GATA6: variants seen among roughly 807,000 people sequenced by gnomAD.
The protein encoded by GATA6 is GATA binding protein 6, also known as transcription factor GATA-6.
Under a neutral mutation model 48.1 loss-of-function variants are expected in GATA6, and 11 were observed. The ratio of observed to expected loss-of-function variants is 0.23; its 90% confidence interval spans 0.14 to 0.38. The LOEUF is 0.38. Among genes scored for constraint, GATA6 ranks in the 10% least tolerant of loss-of-function variants. GATA6 has a pLI of 1.00. For missense variants in GATA6, 795 were observed against 850.3 expected (o/e 0.93, Z 0.81); for synonymous variants, 419 against 396.1 (o/e 1.06, Z -0.69).
intron 2 of GATA6, among the ~76,000 whole-genome samples, chr18:22,173,560 C>A (rs561977835): frequency 1.3e-5 from 2 of 152,328 alleles, no homozygotes; most frequent in Admixed American, 1.3e-4. Flanking sequence ...AAAAGACACG[C>A]TGGAAATGCA....
In GATA6 at chr18:22,171,246, G is replaced by A. The variant is rs777486467; in HGVS notation, c.102G>A (p.Thr34=). 1.3e-6 allele frequency: 2 copies of A among 1,598,664 alleles called. No homozygotes were observed. The highest frequency in any genetic ancestry group is 1.3e-5 in the African/African-American group (1 of 74,982). The change falls in exon 2 of 7, where the codon ACG becomes ACA. Residue 34 remains threonine, a synonymous_variant. Coordinates refer to ENST00000269216, the MANE Select transcript of GATA6 (RefSeq NM_005257.6). This position sits in a 1 kb window ranked among gnomAD's most constrained non-coding sequence, Gnocchi z 7.1. ...SRAFPAREPS[T]PPSPISSSSS... Reference sequence around the variant, plus strand: ...CCTTTCCAGCGCGGGAGCCCTCCACGCCGCCTTCCCCCATCTCTTCCTCGT... The same window carrying A: ...CCTTTCCAGCGCGGGAGCCCTCCACACCGCCTTCCCCCATCTCTTCCTCGT...
rs1414225808 is a variant in GATA6, at chr18:22,200,691, C to G, written c.1656C>G (p.Ser552Arg). 1 of 1,614,126 alleles carries G rather than the reference C, an allele frequency of 6.2e-7. No individual in the cohort carries two copies. The highest frequency in any genetic ancestry group is 8.5e-7 in the Non-Finnish European group (1 of 1,180,058). Residue 552 changes from serine to arginine, a missense_variant, in exon 7 of 7, where the codon AGC becomes AGG. Transcript: ENST00000269216. ...CGGTGATGACTGGTGCGGGAGAGAG[C>G]ACCAATCCCGAGAACAGCGAGCTCA... ...GAPVMTGAGE[S>R]TNPENSELKY...
Position 22,171,337 on chromosome 18 carries a change from C to A in GATA6, c.193C>A (p.Leu65Ile), listed in dbSNP as rs2143274330. 6.9e-6 allele frequency: 11 copies of A among 1,588,058 alleles called. No individual in the cohort carries two copies. The highest frequency in any genetic ancestry group is 9.4e-6 in the Non-Finnish European group (11 of 1,174,344). ...CGCCAGCAACTGCGGGACGCCTCAG[C>A]TCGACACGGAGGCGGCGGCCGGACC... ...GGASNCGTPQLDTEAAAGPPA... is the reference protein window; with the variant it reads ...GGASNCGTPQIDTEAAAGPPA... The change falls in exon 2 of 7, where the codon CTC becomes ATC. Residue 65 changes from leucine to isoleucine, a missense_variant. Physicochemically the swap from Leu to Ile is conservative, Grantham distance 5. This residue lies in a region of GATA6 where 591 missense variants were observed against 570.0 expected (regional missense o/e 1.04). Coordinates refer to ENST00000269216, the MANE Select transcript of GATA6 (RefSeq NM_005257.6). This position sits in a 1 kb window ranked among gnomAD's most constrained non-coding sequence, Gnocchi z 7.1.
chr18:22,197,277 C>G (rs753304296), intron 6 of GATA6, among the ~76,000 whole-genome samples: 1 of 152,084 alleles, frequency 6.6e-6, no homozygotes, highest in Non-Finnish European at 1.5e-5. Flanking sequence ...TCTCAAACTC[C>G]TGACCTAAGG....
rs1231226189 is a variant in GATA6, at chr18:22,185,705, T to C, written c.1620+2662T>C. On this transcript the variant is annotated intron_variant, in intron 6 of 6. Coordinates refer to ENST00000269216, the MANE Select transcript of GATA6 (RefSeq NM_005257.6). The surrounding 1 kb of genome is among the most constrained non-coding windows in gnomAD (Gnocchi z 4.3). ...CAGCTACTCGTCTGCTGGCTGCCTTTGGAAGCTGTCCCCCTGTAAGAATAC... is the reference window on the plus strand; with the variant it reads ...CAGCTACTCGTCTGCTGGCTGCCTTCGGAAGCTGTCCCCCTGTAAGAATAC... Among the ~76,000 whole-genome samples the C allele has an allele frequency of 6.6e-6, 1 of 152,248 alleles. No homozygotes were observed. The highest frequency in any genetic ancestry group is 2.4e-5 in the African/African-American group (1 of 41,470).
At chr18:22,179,296 C>T in intron 3 of GATA6, among the ~76,000 whole-genome samples, 1 of 152,098 alleles carries the variant, frequency 6.6e-6, no homozygotes, top group East Asian at 1.9e-4. Context: ...GTTTGTTTAG[C>T]CAGCACTATA....
chr18:22,201,731 A>C lies in GATA6; in HGVS notation c.*908A>C, dbSNP rs2033464562. The C allele has an allele frequency of 1.3e-5, 2 of 152,626 alleles. No individual in the cohort carries two copies. Among genetic ancestry groups the C allele is most frequent in the African/African-American group, 4.8e-5 (2 of 41,448 alleles). The allele number at this position is 152,626 out of a possible 1,614,324, so 9.5% of individuals were successfully genotyped here. ...TCTATTTGTTAAGAATTTTTATACA[A>C]GAACACCAATATACCCCCTTTATTT... On this transcript the variant is annotated 3_prime_UTR_variant, in exon 7 of 7. Transcript: ENST00000269216.
rs2033248949 is a variant in GATA6 at position 22,185,131 on chromosome 18, G to A, written c.1620+2088G>A. On this transcript the variant is annotated intron_variant, in intron 6 of 6. Coordinates refer to ENST00000269216, the MANE Select transcript of GATA6 (RefSeq NM_005257.6). The surrounding 1 kb of genome is among the most constrained non-coding windows in gnomAD (Gnocchi z 4.3). ...TATCGGTTGCTGTCCAGCGAAAGGAGTGAAAAGCCAGTGAAAAGGGCCATG... is the reference window on the plus strand; with the variant it reads ...TATCGGTTGCTGTCCAGCGAAAGGAATGAAAAGCCAGTGAAAAGGGCCATG... Among the ~76,000 whole-genome samples the A allele has an allele frequency of 6.6e-6, 1 of 152,214 alleles. No homozygotes were observed.
At chr18:22,183,076 A>G (rs1479622194) in intron 6 of GATA6, 33 bp downstream of exon 6, 8 of 1,485,222 alleles carry the variant, frequency 5.4e-6, no homozygotes, top group Middle Eastern at 1.7e-4. Flanking sequence ...CTCCTAAATT[A>G]CTGGGCTGCT....
intron 6 of GATA6, among the ~76,000 whole-genome samples, chr18:22,200,103 A>G (rs1275727055): frequency 6.6e-6 from 1 of 152,112 alleles, no homozygotes; most frequent in African/African-American, 2.4e-5. Flanking sequence ...TTCACTGATC[A>G]GGGAATGTTG....
At chr18:22,190,663 T>C (rs183635611) in intron 6 of GATA6, among the ~76,000 whole-genome samples, 2 of 152,186 alleles carry the variant, frequency 1.3e-5, no homozygotes, top group Admixed American at 1.3e-4. Context: ...CTCCTTAAGG[T>C]CACAAAACAA....
Position 22,171,614 on chromosome 18 carries a change from A to G in GATA6, c.470A>G (p.Gln157Arg). The change falls in exon 2 of 7, where the codon CAG becomes CGG. Residue 157 changes from glutamine to arginine, a missense_variant. This residue lies in a region of GATA6 where 591 missense variants were observed against 570.0 expected (regional missense o/e 1.04). Coordinates refer to ENST00000269216, the MANE Select transcript of GATA6 (RefSeq NM_005257.6). This position sits in a 1 kb window ranked among gnomAD's most constrained non-coding sequence, Gnocchi z 7.1. ...MYQTLAALSS[Q>R]GPAAYDGAPG... ...CAGACCCTCGCCGCTCTCTCCAGCC[A>G]GGGTCCGGCCGCCTACGACGGCGCG... 6.3e-7 allele frequency: 1 copy of G among 1,599,040 alleles called. No individual in the cohort carries two copies. Among genetic ancestry groups the G allele is most frequent in the Non-Finnish European group, 8.5e-7 (1 of 1,178,794 alleles).
In GATA6 at chr18:22,200,783, C is replaced by G. The variant is rs781665346; in HGVS notation, c.1748C>G (p.Ser583Cys). 1.2e-6 allele frequency: 2 copies of G among 1,613,298 alleles called. No homozygotes were observed. The highest frequency in any genetic ancestry group is 1.1e-5 in the South Asian group (1 of 91,040). ...GCCTCGCCGGCCGAAGTCACGTCCT[C>G]CGTGCGACCGGATTCCTGGTGCGCC... Reference protein sequence around the residue: ...SLASPAEVTSSVRPDSWCALA... With the variant: ...SLASPAEVTSCVRPDSWCALA... The change falls in exon 7 of 7, where the codon TCC (serine) becomes TGC (cysteine). Residue 583 changes from serine (S) to cysteine (C), a missense_variant. Coordinates refer to ENST00000269216, the MANE Select transcript of GATA6 (RefSeq NM_005257.6).
At chr18:22,173,914 C>T (rs1276214484) in intron 2 of GATA6, among the ~76,000 whole-genome samples, 2 of 152,240 alleles carry the variant, frequency 1.3e-5, no homozygotes, top group Non-Finnish European at 2.9e-5. Flanking sequence ...GGATTATAGG[C>T]GTGAGCCACC....
rs1031530830 is a variant in GATA6 at position 22,188,559 on chromosome 18, C to T, written c.1620+5516C>T. 3.9e-5 allele frequency among the ~76,000 whole-genome samples: 6 copies of T among 152,134 alleles called. No homozygotes were observed. The South Asian group carries it at 6.2e-4, about 16-fold the overall frequency. Reference sequence around the variant, plus strand: ...AAGGCAGGAAGTGAGGCTGGTAGAACGGGTGGAAAGTAGATACTTGAAAAT... The same window carrying T: ...AAGGCAGGAAGTGAGGCTGGTAGAATGGGTGGAAAGTAGATACTTGAAAAT... On this transcript the variant is annotated intron_variant, in intron 6 of 6. Coordinates refer to ENST00000269216, the MANE Select transcript of GATA6 (RefSeq NM_005257.6).
intron 6 of GATA6, among the ~76,000 whole-genome samples, chr18:22,189,984 C>A (rs905435137): frequency 6.6e-6 from 1 of 152,182 alleles, no homozygotes; most frequent in African/African-American, 2.4e-5. Context: ...CTGGCTGATG[C>A]GGTCAGTGTT....
intron 4 of GATA6, 68 bp from the exon 5 acceptor site, chr18:22,182,689 C>A: frequency 2.7e-6 from 3 of 1,124,278 alleles, no homozygotes; most frequent in Non-Finnish European, 4.0e-6. Context: ...GCTTTTAGTG[C>A]CAATGTTGGG....
In GATA6 at chr18:22,182,995, T is replaced by C. The variant is rs199684979; in HGVS notation, c.1572T>C (p.Asp524=). ...CAACTTCCACCTCTTCTAACTCAGATGATTGCAGCAAAAATACTTCCCCCA... is the reference window on the plus strand; with the variant it reads ...CAACTTCCACCTCTTCTAACTCAGACGATTGCAGCAAAAATACTTCCCCCA... ...MTPTSTSSNS[D]DCSKNTSPTT... Residue 524 remains aspartate, a synonymous_variant, in exon 6 of 7, where the codon GAT becomes GAC. Transcript: ENST00000269216. The C allele has an allele frequency of 1.6e-4, 266 of 1,614,138 alleles. 2 individuals carry two copies. In the South Asian group the frequency reaches 2.7e-3, roughly 17 times the overall value.
At chr18:22,179,517 A>G (rs1193793498) in intron 3 of GATA6, among the ~76,000 whole-genome samples, 2 of 152,214 alleles carry the variant, frequency 1.3e-5, no homozygotes, top group Non-Finnish European at 2.9e-5. Context: ...TTATAATGGC[A>G]AATTCTGATA....
Sources: allele counts gnomAD v4.1 joint callset (sites outside exome capture counted in the v4.1 genomes callset), GRCh38; gene constraint gnomAD v4.1.1; regional missense constraint gnomAD v4.1.1; non-coding constraint Gnocchi (gnomAD v3.1); transcripts MANE v1.5; gene names NCBI Gene and HGNC (gene_info 2026-07-23, HGNC 2026-07-21).